The following UNC5A variants were observed in gnomAD, a reference collection of about 807,000 sequenced individuals.
UNC5A encodes unc-5 netrin receptor A.
Under a neutral mutation model 87.4 loss-of-function variants are expected in UNC5A, and 20 were observed. The ratio of observed to expected loss-of-function variants is 0.23; its 90% confidence interval spans 0.16 to 0.33. The LOEUF (loss-of-function observed/expected upper bound fraction) is 0.33. Among genes scored for constraint, UNC5A ranks in the 10% least tolerant of loss-of-function variants. The pLI is 1.00. For missense variants in UNC5A, 844 were observed against 1,133.4 expected (o/e 0.74, Z 3.67); for synonymous variants, 438 against 482.3 (o/e 0.91, Z 1.20).
rs1390173070 is a variant in UNC5A, at chr5:176,866,157, G to T, written c.293-1973G>T. Among the ~76,000 whole-genome samples, 2 of 151,994 alleles carry T rather than the reference G, an allele frequency of 1.3e-5. No homozygotes were observed. The highest frequency in any genetic ancestry group is 1.3e-4 in the Admixed American group (2 of 15,266). On this transcript the variant is annotated intron_variant, in intron 2 of 14. Transcript: ENST00000329542. The surrounding 1 kb of genome is among the most constrained non-coding windows in gnomAD (Gnocchi z 5.0). ...GGGCTGGCACCTGCTCACACTTATG[G>T]GCAGGTACAGACATAGCTGTACCCA...
At chr5:176,843,002 A>G (rs548298033) in intron 1 of UNC5A, among the ~76,000 whole-genome samples, 1 of 152,214 alleles carries the variant, frequency 6.6e-6, no homozygotes, top group African/African-American at 2.4e-5. Context: ...CTCTACTAAA[A>G]ATACAAAAAT....
At chr5:176,861,954 C>T (rs1757851129) in intron 1 of UNC5A, among the ~76,000 whole-genome samples, 1 of 152,226 alleles carries the variant, frequency 6.6e-6, no homozygotes, top group Non-Finnish European at 1.5e-5. Context: ...TCTGCCAGTG[C>T]CTCCAAGCCA....
chr5:176,879,532 A>G (rs1758363754), intron 14 of UNC5A, 44 bp downstream of exon 14: 1 of 1,562,522 alleles, frequency 6.4e-7, no homozygotes, highest in Admixed American at 1.9e-5. Flanking sequence ...GGCCACCGAC[A>G]GTCCTGCCCG....
Position 176,865,705 on chromosome 5 carries a change from G to C in UNC5A, c.293-2425G>C, listed in dbSNP as rs543842855. The C allele has an allele frequency of 2.2e-6, 1 of 456,426 alleles. No homozygotes were observed. The highest frequency in any genetic ancestry group is 4.4e-6 in the Non-Finnish European group (1 of 226,948). 28.3% of individuals were successfully genotyped at this position (456,426 alleles called of 1,614,324 possible). On this transcript the variant is annotated intron_variant, in intron 2 of 14. Coordinates refer to ENST00000329542, the MANE Select transcript of UNC5A (RefSeq NM_133369.3). This position sits in a 1 kb window ranked among gnomAD's most constrained non-coding sequence, Gnocchi z 5.3. ...AGACCAAAGACCCCAAACCAGAAAC[G>C]TTCTGTGGTCAGACAGGTATGGCAG...
At position 176,832,513 on chromosome 5, in the gene UNC5A, A is replaced by G. The variant is rs115232882; in HGVS notation, c.70+21693A>G. 1.4e-3 allele frequency among the ~76,000 whole-genome samples: 216 copies of G among 152,300 alleles called. 1 individual carries two copies. The highest frequency in any genetic ancestry group is 4.9e-3 in the African/African-American group (203 of 41,578). ...TCCACATCTGAAGGATGGGGACAGC[A>G]GTCACCTAGCCTCTAGGATGAGAGG... On this transcript the variant is annotated intron_variant, in intron 1 of 14. Coordinates refer to ENST00000329542, the MANE Select transcript of UNC5A (RefSeq NM_133369.3).
At chr5:176,858,983 C>T (rs1757749256) in intron 1 of UNC5A, among the ~76,000 whole-genome samples, 1 of 152,198 alleles carries the variant, frequency 6.6e-6, no homozygotes, top group Admixed American at 6.5e-5. Flanking sequence ...GCTCGGGGGC[C>T]AGAGGCAGAG....
At chr5:176,837,797 G>T (rs1294925748) in intron 1 of UNC5A, among the ~76,000 whole-genome samples, 1 of 151,984 alleles carries the variant, frequency 6.6e-6, no homozygotes, top group Non-Finnish European at 1.5e-5. Flanking sequence ...AGCCCCAGGC[G>T]CTCCACAGAT....
Position 176,869,893 on chromosome 5 carries a change from C to T in UNC5A, c.722-477C>T, listed in dbSNP as rs925660251. 19 of 578,708 alleles carry T rather than the reference C, an allele frequency of 3.3e-5. No homozygotes were observed. The highest frequency in any genetic ancestry group is 1.2e-4 in the East Asian group (4 of 33,938). 35.8% of individuals were successfully genotyped at this position (578,708 alleles called of 1,614,324 possible). On this transcript the variant is annotated intron_variant, in intron 5 of 14. Transcript: ENST00000329542. The surrounding 1 kb of genome is among the most constrained non-coding windows in gnomAD (Gnocchi z 9.1). ...ATGGCTCCATCCCACCCACCCGCCA[C>T]GCAGGGCCAGGCTCAGTCTGAGGCG...
intron 1 of UNC5A, among the ~76,000 whole-genome samples, chr5:176,829,144 AAAAAG>A (rs1395240242): frequency 8.9e-5 from 12 of 135,332 alleles, no homozygotes; most frequent in South Asian, 4.8e-4. Context: ...AAAAAAAAAA[AAAAAG>A]AAAGAAAGAT....
intron 1 of UNC5A, among the ~76,000 whole-genome samples, chr5:176,823,380 CTGG>C (rs1350205598): frequency 6.6e-6 from 1 of 152,142 alleles, no homozygotes; most frequent in Admixed American, 6.5e-5. Context: ...GAAACTGGCT[CTGG>C]TCACGTGAAG....
In UNC5A at chr5:176,844,188, G is replaced by A. The variant is rs1010959947; in HGVS notation, c.71-18436G>A. 2.6e-5 allele frequency among the ~76,000 whole-genome samples: 4 copies of A among 152,274 alleles called. No homozygotes were observed. Among genetic ancestry groups the A allele is most frequent in the East Asian group, 1.9e-4 (1 of 5,176 alleles). On this transcript the variant is annotated intron_variant, in intron 1 of 14. Coordinates refer to ENST00000329542, the MANE Select transcript of UNC5A (RefSeq NM_133369.3). This position sits in a 1 kb window ranked among gnomAD's most constrained non-coding sequence, Gnocchi z 4.2. Reference sequence around the variant, plus strand: ...AACTCAGGTCCATGCTGATTGTAGCGTCTCAGGGGACAGATCAGAGGCCCC... The same window carrying A: ...AACTCAGGTCCATGCTGATTGTAGCATCTCAGGGGACAGATCAGAGGCCCC...
chr5:176,874,586 G>T lies in UNC5A; in HGVS notation c.1378+20G>T. On this transcript the variant is annotated intron_variant, in intron 8 of 14. Coordinates refer to ENST00000329542, the MANE Select transcript of UNC5A (RefSeq NM_133369.3). The surrounding 1 kb of genome is among the most constrained non-coding windows in gnomAD (Gnocchi z 7.6). ...ATACAGGTAGGAAGGACCCCAGGGGGCTCTGAGAGCTCCACTTCCCTCCTG... is the reference window on the plus strand; with the variant it reads ...ATACAGGTAGGAAGGACCCCAGGGGTCTCTGAGAGCTCCACTTCCCTCCTG... 1 of 1,503,502 alleles carries T rather than the reference G, an allele frequency of 6.7e-7. No homozygotes were observed. The highest frequency in any genetic ancestry group is 1.4e-5 in the African/African-American group (1 of 71,582). The allele number at this position is 1,503,502 out of a possible 1,614,324, so 93.1% of individuals were successfully genotyped here. A position where few individuals can be genotyped will look rare whatever the true frequency, so the allele number is the denominator to read the frequency against.
At chr5:176,856,434 C>A (rs940631844) in intron 1 of UNC5A, among the ~76,000 whole-genome samples, 1 of 152,058 alleles carries the variant, frequency 6.6e-6, no homozygotes, top group Non-Finnish European at 1.5e-5. Context: ...ATCTGAAATT[C>A]TAGAGGGAAA....
chr5:176,874,946 G>A lies in UNC5A; in HGVS notation c.1378+380G>A, dbSNP rs1463212916. Among the ~76,000 whole-genome samples, 4 of 152,206 alleles carry A rather than the reference G, an allele frequency of 2.6e-5. No individual in the cohort carries two copies. Among genetic ancestry groups the A allele is most frequent in the Non-Finnish European group, 5.9e-5 (4 of 68,036 alleles). ...CAGAGGCCATCCTGGAGTCCCCACTGCATCCTGGCTTCCACCCACCCCAGC... is the reference window on the plus strand; with the variant it reads ...CAGAGGCCATCCTGGAGTCCCCACTACATCCTGGCTTCCACCCACCCCAGC... On this transcript the variant is annotated intron_variant, in intron 8 of 14. Transcript: ENST00000329542. The surrounding 1 kb of genome is among the most constrained non-coding windows in gnomAD (Gnocchi z 7.6).
At chr5:176,816,075 C>T (rs1214487271) in intron 1 of UNC5A, among the ~76,000 whole-genome samples, 2 of 152,226 alleles carry the variant, frequency 1.3e-5, no homozygotes, top group East Asian at 1.9e-4. Flanking sequence ...ATCATTTAAC[C>T]TCTCTGGGCT....
At chr5:176,842,837 A>G (rs1038515632) in intron 1 of UNC5A, among the ~76,000 whole-genome samples, 1 of 152,300 alleles carries the variant, frequency 6.6e-6, no homozygotes, top group East Asian at 1.9e-4. Flanking sequence ...CTGTTCCCCA[A>G]TCACTTATGG....
chr5:176,814,019 C>T (rs1321238277), intron 1 of UNC5A, among the ~76,000 whole-genome samples: 3 of 152,228 alleles, frequency 2.0e-5, no homozygotes, highest in African/African-American at 7.2e-5. Context: ...CTTCTCCCTT[C>T]TCTCTCACGC....
Position 176,845,948 on chromosome 5 carries a change from T to G in UNC5A, c.71-16676T>G, listed in dbSNP as rs544986930. ...CCGGGAGAGCCAACAAAGGGCTGGGTGCTGCATGGTGAGTGAAAGGGACAG... is the reference window on the plus strand; with the variant it reads ...CCGGGAGAGCCAACAAAGGGCTGGGGGCTGCATGGTGAGTGAAAGGGACAG... On this transcript the variant is annotated intron_variant, in intron 1 of 14. Transcript: ENST00000329542. Among the ~76,000 whole-genome samples, 1,254 of 152,258 alleles carry G rather than the reference T, an allele frequency of 8.2e-3. 12 individuals are homozygous for G. The highest frequency in any genetic ancestry group is 0.028 in the African/African-American group (1,171 of 41,532).
chr5:176,879,945 A>G lies in UNC5A; in HGVS notation c.*59A>G. ...GCTTTGGCACCCACCAAGGACAGGC[A>G]GAAGCCGGACAGGGGCCCTTCCCCA... On this transcript the variant is annotated 3_prime_UTR_variant, in exon 15 of 15. Coordinates refer to ENST00000329542, the MANE Select transcript of UNC5A (RefSeq NM_133369.3). The G allele has an allele frequency of 6.4e-7, 1 of 1,553,140 alleles. No individual in the cohort carries two copies. The highest frequency in any genetic ancestry group is 8.7e-7 in the Non-Finnish European group (1 of 1,150,620).
Sources: allele counts gnomAD v4.1 joint callset (sites outside exome capture counted in the v4.1 genomes callset), GRCh38; gene constraint gnomAD v4.1.1; non-coding constraint Gnocchi (gnomAD v3.1); transcripts MANE v1.5; gene names NCBI Gene and HGNC (gene_info 2026-07-23, HGNC 2026-07-21).